The following EYA1 variants were observed in gnomAD, a reference collection of about 807,000 sequenced individuals.
The protein encoded by EYA1 is EYA transcriptional coactivator and phosphatase 1.
Under a neutral mutation model 82.0 loss-of-function variants are expected in EYA1, and 16 were observed. The observed-to-expected ratio is 0.20, with a 90% CI of 0.13 to 0.30. EYA1 has a LOEUF of 0.30. Ranked by LOEUF, EYA1 falls within the 10% of genes least tolerant of loss-of-function variation. The pLI is 1.00. For missense variants in EYA1, 633 were observed against 730.7 expected (o/e 0.87, Z 1.54); for synonymous variants, 261 against 264.4 (o/e 0.99, Z 0.12).
intron 12 of EYA1, among the ~76,000 whole-genome samples, chr8:71,231,518 A>G (rs920585385): frequency 1.6e-4 from 25 of 152,256 alleles, no homozygotes; most frequent in Middle Eastern, 3.4e-3. Context: ...CCTCTCCCCA[A>G]TCTGGGATAG....
At chr8:71,474,198 T>TAA (rs199862429) in intron 2 of EYA1, among the ~76,000 whole-genome samples, 75 of 104,230 alleles carry the variant, frequency 7.2e-4, no homozygotes, top group East Asian at 3.3e-3. Flanking sequence ...AAAGTAAAAT[T>TAA]AAAAAAAAAA....
At chr8:71,449,283 G>C (rs934742206) in intron 2 of EYA1, 1 of 152,650 alleles carries the variant, frequency 6.6e-6, no homozygotes, top group Non-Finnish European at 1.5e-5. Context: ...CCACAACCAA[G>C]ACTCACACTT....
intron 2 of EYA1, among the ~76,000 whole-genome samples, chr8:71,473,589 T>C (rs555432316): frequency 6.6e-6 from 1 of 152,268 alleles, no homozygotes; most frequent in East Asian, 1.9e-4. Flanking sequence ...GGAACACTTT[T>C]ACACTGTTGG....
chr8:71,344,791 G>A (rs2129056723), intron 3 of EYA1, among the ~76,000 whole-genome samples: 1 of 152,308 alleles, frequency 6.6e-6, no homozygotes, highest in East Asian at 1.9e-4. Context: ...CATGAAGATT[G>A]GAAGCAGATG....
At chr8:71,443,161 A>C (rs553562538) in intron 2 of EYA1, among the ~76,000 whole-genome samples, 14 of 152,308 alleles carry the variant, frequency 9.2e-5, no homozygotes, top group Middle Eastern at 6.8e-3. Context: ...AATGATGAAT[A>C]ACCCACTGCC....
intron 2 of EYA1, among the ~76,000 whole-genome samples, chr8:71,390,966 C>G (rs1829244269): frequency 6.6e-6 from 1 of 151,280 alleles, no homozygotes; most frequent in Non-Finnish European, 1.5e-5. Flanking sequence ...TAAAATTTAC[C>G]TTTTTTTGTT....
intron 3 of EYA1, among the ~76,000 whole-genome samples, chr8:71,352,144 G>A (rs1198857279): frequency 6.6e-6 from 1 of 152,118 alleles, no homozygotes; most frequent in Non-Finnish European, 1.5e-5. Context: ...GGTAAACACT[G>A]CTGTTTTCAA....
At chr8:71,234,922 C>A (rs530257047) in intron 12 of EYA1, among the ~76,000 whole-genome samples, 2 of 152,236 alleles carry the variant, frequency 1.3e-5, no homozygotes, top group South Asian at 4.2e-4. Context: ...CAGCCACCCC[C>A]CAAACACACT....
chr8:71,513,952 TG>T (rs1272839599), intron 2 of EYA1, among the ~76,000 whole-genome samples: 1 of 152,096 alleles, frequency 6.6e-6, no homozygotes, highest in Non-Finnish European at 1.5e-5. Context: ...ATTTGCAACA[TG>T]ACAAGATCTC....
chr8:71,374,697 C>G (rs1390477239), intron 2 of EYA1, among the ~76,000 whole-genome samples: 1 of 152,176 alleles, frequency 6.6e-6, no homozygotes. Context: ...GTAGAGATAT[C>G]TGCACTCCCA....
intron 9 of EYA1, among the ~76,000 whole-genome samples, chr8:71,288,672 T>C (rs1359679150): frequency 6.6e-6 from 1 of 152,248 alleles, no homozygotes; most frequent in African/African-American, 2.4e-5. Flanking sequence ...TTTAAATCAA[T>C]TGTTTGAAAT....
chr8:71,353,560 T>G (rs1452395934), intron 3 of EYA1, among the ~76,000 whole-genome samples: 3 of 152,096 alleles, frequency 2.0e-5, no homozygotes, highest in Admixed American at 6.5e-5. Flanking sequence ...AAAAGAAAAA[T>G]GCAGAATATT....
intron 4 of EYA1, among the ~76,000 whole-genome samples, chr8:71,324,956 A>C (rs1822990909): frequency 6.6e-6 from 1 of 152,190 alleles, no homozygotes; most frequent in South Asian, 2.1e-4. Flanking sequence ...TCCCACTCAG[A>C]GATGGCCACC....
chr8:71,306,451 T>TG (rs1820749632), intron 7 of EYA1, among the ~76,000 whole-genome samples: 1 of 149,904 alleles, frequency 6.7e-6, no homozygotes, highest in Admixed American at 6.7e-5. Context: ...TTGCCGGGGG[T>TG]GGGGGAAAAG....
intron 1 of EYA1, among the ~76,000 whole-genome samples, chr8:71,360,644 A>C (rs750409649): frequency 6.6e-6 from 1 of 152,240 alleles, no homozygotes; most frequent in Non-Finnish European, 1.5e-5. Flanking sequence ...GCATGACTGT[A>C]CATGTGTGCA....
chr8:71,207,843 T>C (rs1020276259), intron 17 of EYA1, among the ~76,000 whole-genome samples: 1 of 113,554 alleles, frequency 8.8e-6, no homozygotes, highest in Admixed American at 1.1e-4. Context: ...TAGAATACTT[T>C]TGTACAAAGA....
At chr8:71,225,294 A>G in intron 12 of EYA1, 1 of 456,256 alleles carries the variant, frequency 2.2e-6, no homozygotes, top group Middle Eastern at 3.3e-4. Flanking sequence ...ACTCTCTGGA[A>G]GCCCTTGACT....
chr8:71,288,060 C>A (rs1210435786), intron 9 of EYA1, among the ~76,000 whole-genome samples: 1 of 152,092 alleles, frequency 6.6e-6, no homozygotes. Flanking sequence ...TCCAGTTTTT[C>A]CTAATTGTAT....
At chr8:71,424,738 T>G (rs1472388955) in intron 2 of EYA1, among the ~76,000 whole-genome samples, 1 of 152,104 alleles carries the variant, frequency 6.6e-6, no homozygotes, top group Non-Finnish European at 1.5e-5. Context: ...TGCTAAGGTT[T>G]TTCACTTTTG....
Sources: gnomAD v4.1 joint callset for allele counts (sites outside exome capture counted in the v4.1 genomes callset) on GRCh38, gnomAD v4.1.1 for gene constraint, MANE v1.5 for transcripts, NCBI Gene and HGNC (gene_info 2026-07-23, HGNC 2026-07-21) for gene names.